ARHGAP6: variants seen among roughly 807,000 people sequenced by gnomAD.
ARHGAP6 encodes the protein rho GTPase-activating protein 6.
ARHGAP6 carries 16 observed loss-of-function variants against 55.7 expected under a neutral mutation model. That is an observed-to-expected ratio of 0.29 (90% CI 0.19 to 0.44). The LOEUF (loss-of-function observed/expected upper bound fraction) is 0.44. Among genes scored for constraint, ARHGAP6 ranks in the 20% least tolerant of loss-of-function variants. The probability of loss-of-function intolerance (pLI) is 1.00; values close to 1 mark genes in which losing one functional copy is unlikely to be tolerated. For missense variants in ARHGAP6, 698 were observed against 808.9 expected (o/e 0.86, Z 1.66); for synonymous variants, 382 against 360.9 (o/e 1.06, Z -0.66).
intron 1 of ARHGAP6, among the ~76,000 whole-genome samples, chrX:11,452,952 T>C (rs986872549): frequency 9.0e-6 from 1 of 110,712 alleles, no homozygotes; most frequent in Non-Finnish European, 1.9e-5. Flanking sequence ...TCCTCACTAA[T>C]ATATGCTGCA....
At chrX:11,484,942 G>T (rs760331034) in intron 1 of ARHGAP6, among the ~76,000 whole-genome samples, 1 of 111,432 alleles carries the variant, frequency 9.0e-6, no homozygotes, top group Non-Finnish European at 1.9e-5. Flanking sequence ...TTCAGACCAG[G>T]TGTGCCTAAG....
chrX:11,325,906 A>G (rs962957814), intron 1 of ARHGAP6, among the ~76,000 whole-genome samples: 4 of 111,128 alleles, frequency 3.6e-5, no homozygotes, highest in South Asian at 3.8e-4. Context: ...CCTGCTCAAC[A>G]TTCTGCAATG....
At chrX:11,443,060 G>A (rs190953309) in intron 1 of ARHGAP6, among the ~76,000 whole-genome samples, 66 of 111,339 alleles carry the variant, frequency 5.9e-4, no homozygotes, top group African/African-American at 1.8e-3. Context: ...CCTGTATAAC[G>A]ACCACCCAAA....
At chrX:11,389,747 CAA>C (rs2049379249) in intron 1 of ARHGAP6, among the ~76,000 whole-genome samples, 1 of 111,892 alleles carries the variant, frequency 8.9e-6, no homozygotes, top group Non-Finnish European at 1.9e-5. Context: ...TCATGGAAAA[CAA>C]AACAGAGGTG....
intron 1 of ARHGAP6, among the ~76,000 whole-genome samples, chrX:11,479,457 A>G (rs747573664): frequency 1.8e-5 from 2 of 111,627 alleles, no homozygotes; most frequent in African/African-American, 6.5e-5. Context: ...CTTAGGAAGT[A>G]TCTGCAAATG....
intron 4 of ARHGAP6, among the ~76,000 whole-genome samples, chrX:11,188,151 T>G (rs186565563): frequency 4.4e-5 from 5 of 112,416 alleles, no homozygotes; most frequent in Admixed American, 3.7e-4. Flanking sequence ...CCAACCAGTT[T>G]GCATGAACAA....
chrX:11,146,629 A>T (rs2045695346), intron 10 of ARHGAP6, among the ~76,000 whole-genome samples: 1 of 112,369 alleles, frequency 8.9e-6, no homozygotes, highest in Non-Finnish European at 1.9e-5. Context: ...AGAGTTAATT[A>T]TGTGGCAGGC....
chrX:11,329,504 C>T (rs909347468), intron 1 of ARHGAP6, among the ~76,000 whole-genome samples: 4 of 112,243 alleles, frequency 3.6e-5, no homozygotes, highest in African/African-American at 1.3e-4. Flanking sequence ...ATGCAAGACA[C>T]TACCTTTATT....
chrX:11,661,248 A>T (rs2052700220), intron 1 of ARHGAP6, among the ~76,000 whole-genome samples: 1 of 112,382 alleles, frequency 8.9e-6, no homozygotes, highest in Admixed American at 9.4e-5. Flanking sequence ...GCTGCTAAGA[A>T]CACAAGTTGA....
At chrX:11,495,426 GT>G (rs1438903030) in intron 1 of ARHGAP6, among the ~76,000 whole-genome samples, 2 of 112,039 alleles carry the variant, frequency 1.8e-5, no homozygotes, top group Non-Finnish European at 1.9e-5. Flanking sequence ...TTTGGGAAAG[GT>G]TTTTTTCCAA....
intron 2 of ARHGAP6, among the ~76,000 whole-genome samples, chrX:11,208,732 TG>T (rs1569256147): frequency 8.9e-6 from 1 of 111,966 alleles, no homozygotes; most frequent in Non-Finnish European, 1.9e-5. Flanking sequence ...CTGGAGGGGC[TG>T]GCAACTGAGT....
chrX:11,375,599 T>C (rs1373370124), intron 1 of ARHGAP6, among the ~76,000 whole-genome samples: 3 of 112,043 alleles, frequency 2.7e-5, no homozygotes, highest in African/African-American at 9.7e-5. Flanking sequence ...AGGTTCAAGT[T>C]TGGCTGCAGA....
chrX:11,412,540 T>C (rs181812414), intron 1 of ARHGAP6, among the ~76,000 whole-genome samples: 77 of 112,284 alleles, frequency 6.9e-4, no homozygotes, highest in African/African-American at 2.4e-3. Context: ...GTTAGACTAG[T>C]TTAAAAACCA....
chrX:11,409,418 T>C (rs1289673547), intron 1 of ARHGAP6, among the ~76,000 whole-genome samples: 1 of 111,969 alleles, frequency 8.9e-6, no homozygotes, highest in Non-Finnish European at 1.9e-5. Context: ...ACATGTCCTC[T>C]GGCCTCTCCA....
At chrX:11,489,161 T>C (rs1402955105) in intron 1 of ARHGAP6, among the ~76,000 whole-genome samples, 1 of 111,248 alleles carries the variant, frequency 9.0e-6, no homozygotes, top group Non-Finnish European at 1.9e-5. Flanking sequence ...GTAAAAAGCA[T>C]AGAAAAATAA....
chrX:11,504,273 C>T (rs887522888), intron 1 of ARHGAP6, among the ~76,000 whole-genome samples: 4 of 111,846 alleles, frequency 3.6e-5, no homozygotes, highest in Non-Finnish European at 5.6e-5. Context: ...AGGTAGAGTA[C>T]ATATCTTAAA....
intron 2 of ARHGAP6, among the ~76,000 whole-genome samples, chrX:11,198,761 T>C (rs1256012332): frequency 8.9e-6 from 1 of 112,238 alleles, no homozygotes; most frequent in African/African-American, 3.2e-5. Context: ...TCTATGTAGA[T>C]GTGTATAAAT....
chrX:11,163,618 T>C (rs764905382), intron 9 of ARHGAP6, among the ~76,000 whole-genome samples: 11 of 112,660 alleles, frequency 9.8e-5, no homozygotes, highest in Admixed American at 4.7e-4. Flanking sequence ...GAAATCACTT[T>C]GGCTGTTTAT....
At chrX:11,553,273 A>G (rs1243635669) in intron 1 of ARHGAP6, among the ~76,000 whole-genome samples, 2 of 106,713 alleles carry the variant, frequency 1.9e-5, no homozygotes, top group Non-Finnish European at 3.9e-5. Flanking sequence ...ACAGGGTGTC[A>G]CTCTATCACC....
Sources: gnomAD v4.1 joint callset for allele counts (sites outside exome capture counted in the v4.1 genomes callset) on GRCh38, gnomAD v4.1.1 for gene constraint, MANE v1.5 for transcripts, NCBI Gene and HGNC (gene_info 2026-07-23, HGNC 2026-07-21) for gene names.